AOPEP: variants seen among roughly 807,000 people sequenced by gnomAD.
AOPEP encodes the protein aminopeptidase O.
A neutral mutation model predicts 98.1 loss-of-function variants in AOPEP; 77 were observed. The ratio of observed to expected loss-of-function variants is 0.78; its 90% CI spans 0.65 to 0.95. The LOEUF (loss-of-function observed/expected upper bound fraction) is 0.95, where lower values mean the gene tolerates loss of function less well. AOPEP is among the 40% of genes least tolerant of loss of function. The pLI is 0.00. For missense variants in AOPEP, 1,024 were observed against 1,024.7 expected (o/e 1.00, Z 0.01); for synonymous variants, 346 against 365.3 (o/e 0.95, Z 0.60).
At chr9:94,936,523 CTG>C (rs1420345334) in intron 7 of AOPEP, among the ~76,000 whole-genome samples, 1 of 152,206 alleles carries the variant, frequency 6.6e-6, no homozygotes, top group African/African-American at 2.4e-5. Flanking sequence ...AAAAAACAAA[CTG>C]TTTTTCATCT....
intron 4 of AOPEP, among the ~76,000 whole-genome samples, chr9:94,794,043 C>G (rs1846359130): frequency 6.6e-6 from 1 of 152,216 alleles, no homozygotes; most frequent in Non-Finnish European, 1.5e-5. Context: ...GAAACTGATG[C>G]AAAGCCCTTG....
chr9:95,006,197 G>T (rs1447394680), intron 13 of AOPEP: 1 of 420,634 alleles, frequency 2.4e-6, no homozygotes, highest in East Asian at 7.1e-5. Flanking sequence ...ATTTGTCATT[G>T]TAATATCATG....
intron 9 of AOPEP, 39 bp from the exon 10 acceptor site, chr9:94,967,719 T>C (rs755897323): frequency 1.3e-6 from 2 of 1,572,078 alleles, no homozygotes; most frequent in Non-Finnish European, 1.8e-6. Flanking sequence ...AGTTATTTAT[T>C]GATGGACATC....
intron 13 of AOPEP, among the ~76,000 whole-genome samples, chr9:95,043,538 C>T (rs1052860749): frequency 6.6e-6 from 1 of 152,054 alleles, no homozygotes; most frequent in African/African-American, 2.4e-5. Context: ...TTTGCTTTGT[C>T]TTGTGAAATT....
At chr9:95,055,288 T>C (rs912158213) in intron 13 of AOPEP, among the ~76,000 whole-genome samples, 1 of 152,168 alleles carries the variant, frequency 6.6e-6, no homozygotes, top group South Asian at 2.1e-4. Context: ...GCCTGGCTAG[T>C]GTGTGGGCAG....
At chr9:95,007,701 C>T (rs1338421986) in intron 13 of AOPEP, among the ~76,000 whole-genome samples, 1 of 152,216 alleles carries the variant, frequency 6.6e-6, no homozygotes, top group Non-Finnish European at 1.5e-5. Context: ...CAATGTTTCT[C>T]TTGGCTCTGC....
intron 5 of AOPEP, among the ~76,000 whole-genome samples, chr9:94,815,873 T>G (rs1851601847): frequency 6.6e-6 from 1 of 152,162 alleles, no homozygotes; most frequent in Admixed American, 6.5e-5. Flanking sequence ...TCCCTATTAC[T>G]GAATACCTGG....
intron 13 of AOPEP, among the ~76,000 whole-genome samples, chr9:95,041,952 G>A (rs951165031): frequency 6.6e-6 from 1 of 152,072 alleles, no homozygotes; most frequent in African/African-American, 2.4e-5. Flanking sequence ...GATCTGGGAG[G>A]GAACGGGAAG....
chr9:94,949,656 G>A (rs1564433604), intron 7 of AOPEP, among the ~76,000 whole-genome samples: 1 of 152,214 alleles, frequency 6.6e-6, no homozygotes, highest in Non-Finnish European at 1.5e-5. Flanking sequence ...TACCAGCGGT[G>A]TTGATACAAT....
chr9:94,861,933 G>C (rs556132023), intron 5 of AOPEP, among the ~76,000 whole-genome samples: 55 of 152,296 alleles, frequency 3.6e-4, no homozygotes, highest in African/African-American at 1.2e-3. Flanking sequence ...CCTCAGAGTT[G>C]TTTGTTGTTT....
At chr9:94,782,319 A>G (rs1237179763) in intron 3 of AOPEP, among the ~76,000 whole-genome samples, 1 of 152,228 alleles carries the variant, frequency 6.6e-6, no homozygotes, top group Non-Finnish European at 1.5e-5. Context: ...CATATGAACA[A>G]GTGAAAGGTG....
rs571893895 is a variant in AOPEP, at chr9:94,888,608, G to A, written c.1365-35378G>A. Among the ~76,000 whole-genome samples the A allele has an allele frequency of 9.9e-5, 15 of 152,268 alleles. No homozygotes were observed. In the South Asian group the frequency reaches 2.9e-3, roughly 29 times the overall value. On this transcript the variant is annotated intron_variant, in intron 5 of 16. Coordinates refer to ENST00000375315, the MANE Select transcript of AOPEP (RefSeq NM_001193329.3). ...GTCTCACATCTAAGAGAATTAAGGA[G>A]TGTGGACACAAGGGTGGAGTGAAAC...
intron 14 of AOPEP, among the ~76,000 whole-genome samples, chr9:95,067,251 G>A (rs186049840): frequency 4.0e-4 from 61 of 152,278 alleles, no homozygotes; most frequent in African/African-American, 1.4e-3. Flanking sequence ...CCGCTCGCAC[G>A]GAGTCAGCTT....
rs79218318 is a variant in AOPEP, at chr9:95,057,650, C to A, written c.2116-3044C>A. On this transcript the variant is annotated intron_variant, in intron 13 of 16. Transcript: ENST00000375315. ...TAAAAATGTTGTAATGTGTACTTTGCGAATGAAAGATGCTTTATTAGTTTT... is the reference window on the plus strand; with the variant it reads ...TAAAAATGTTGTAATGTGTACTTTGAGAATGAAAGATGCTTTATTAGTTTT... Among the ~76,000 whole-genome samples, 639 of 152,270 alleles carry A rather than the reference C, an allele frequency of 4.2e-3. 4 individuals carry two copies. The highest frequency in any genetic ancestry group is 0.015 in the African/African-American group (619 of 41,546).
intron 1 of AOPEP, among the ~76,000 whole-genome samples, chr9:94,759,423 C>T (rs980036144): frequency 6.6e-6 from 1 of 152,194 alleles, no homozygotes; most frequent in Non-Finnish European, 1.5e-5. Flanking sequence ...CTTCTTCTGG[C>T]TTTGTGGAGG....
the AOPEP span, among the ~76,000 whole-genome samples, chr9:95,140,723 G>A: frequency 6.6e-6 from 1 of 152,158 alleles, no homozygotes; most frequent in Non-Finnish European, 1.5e-5. Context: ...CTGTTATGGA[G>A]AATTGCTTAC....
chr9:94,780,197 T>C (rs75782733), intron 3 of AOPEP, among the ~76,000 whole-genome samples: 4,443 of 152,312 alleles, frequency 0.029, 111 homozygotes, highest in East Asian at 0.093. Context: ...GCCTAAAATA[T>C]TTGTTACCTG....
intron 5 of AOPEP, among the ~76,000 whole-genome samples, chr9:94,804,571 ATTGT>A (rs757956915): frequency 1.6e-4 from 25 of 152,280 alleles, no homozygotes; most frequent in Non-Finnish European, 2.4e-4. Context: ...CAGGTGACAG[ATTGT>A]TTGAGCTTTT....
chr9:95,013,612 G>C (rs1040906555), intron 13 of AOPEP, among the ~76,000 whole-genome samples: 1 of 152,054 alleles, frequency 6.6e-6, no homozygotes, highest in Admixed American at 6.5e-5. Flanking sequence ...TTCATCATCT[G>C]CTTTTAGATT....
Sources: gnomAD v4.1 joint callset for allele counts (sites outside exome capture counted in the v4.1 genomes callset) on GRCh38, gnomAD v4.1.1 for gene constraint, MANE v1.5 for transcripts, NCBI Gene and HGNC (gene_info 2026-07-23, HGNC 2026-07-21) for gene names.